The following NLRP4 variants were observed in gnomAD, a reference collection of about 807,000 sequenced individuals.
NLRP4 encodes NLR family pyrin domain containing 4.
Under a neutral mutation model 84.7 loss-of-function variants are expected in NLRP4, and 44 were observed. The ratio of observed to expected loss-of-function variants is 0.52; its 90% CI spans 0.41 to 0.67. The LOEUF is 0.67. NLRP4 is among the 30% of genes least tolerant of loss of function. NLRP4 has a pLI of 0.00. For synonymous variants in NLRP4, 544 were observed against 476.4 expected, an observed-to-expected ratio of 1.14 and a Z score of -1.85; for missense variants, 1,260 against 1,219.4, an observed-to-expected ratio of 1.03 and a Z score of -0.50.
chr19:55,848,072 G>T lies in NLRP4; in HGVS notation c.-65-3944G>T, dbSNP rs145410139. Among the ~76,000 whole-genome samples, 17 of 152,166 alleles carry T rather than the reference G, an allele frequency of 1.1e-4. No individual in the cohort carries two copies. The East Asian group carries it at 2.5e-3, about 22-fold the overall frequency. ...CTAGGATCCCCCACTGGGTTTCATT[G>T]CTGTGTCTCCATTGAGTTCTCTAAA... On this transcript the variant is annotated intron_variant, in intron 1 of 9. Coordinates refer to ENST00000301295, the MANE Select transcript of NLRP4 (RefSeq NM_134444.5).
chr19:55,878,728 T>C, intron 8 of NLRP4, 66 bp from the exon 9 acceptor site: 1 of 1,438,270 alleles, frequency 7.0e-7, no homozygotes, highest in Admixed American at 2.0e-5. Flanking sequence ...GACGTCTAGC[T>C]CACATCCCAT....
At chr19:55,839,737 T>A (rs1983535929) in intron 1 of NLRP4, among the ~76,000 whole-genome samples, 1 of 152,168 alleles carries the variant, frequency 6.6e-6, no homozygotes, top group South Asian at 2.1e-4. Context: ...TGACAGAGTC[T>A]TGTATTTTAA....
At chr19:55,866,414 A>G (rs1984957481) in intron 5 of NLRP4, among the ~76,000 whole-genome samples, 1 of 152,258 alleles carries the variant, frequency 6.6e-6, no homozygotes, top group South Asian at 2.1e-4. Context: ...GTGAGGAGCC[A>G]TGGACTCGGT....
intron 1 of NLRP4, among the ~76,000 whole-genome samples, chr19:55,851,260 G>T (rs1984122652): frequency 3.1e-5 from 1 of 32,086 alleles, no homozygotes; most frequent in Non-Finnish European, 4.8e-5. Context: ...CGAGGCTGCG[G>T]TGTAATTTAC....
At chr19:55,852,827 A>G (rs117582801) in intron 2 of NLRP4, among the ~76,000 whole-genome samples, 1 of 152,316 alleles carries the variant, frequency 6.6e-6, no homozygotes, top group Non-Finnish European at 1.5e-5. Context: ...CGTGGTGGTT[A>G]CATGTGGGTA....
chr19:55,859,963 ATC>A (rs1984675950), intron 3 of NLRP4, among the ~76,000 whole-genome samples: 2 of 144,512 alleles, frequency 1.4e-5, no homozygotes, highest in African/African-American at 5.1e-5. Flanking sequence ...CAAAACACAA[ATC>A]ATACAAATTT....
chr19:55,857,748 A>G lies in NLRP4; in HGVS notation c.355A>G (p.Ile119Val), dbSNP rs1600229449. The change falls in exon 3 of 10, where the codon ATT becomes GTT. Residue 119 changes from isoleucine to valine, a missense_variant. By Grantham distance (29) the Ile-to-Val change is conservative (BLOSUM62 3). This residue lies in a region of NLRP4 where 712 missense variants were observed against 669.2 expected (regional missense o/e 1.06). Coordinates refer to ENST00000301295, the MANE Select transcript of NLRP4 (RefSeq NM_134444.5). The stretch of plus-strand genomic sequence containing the variant: ...ATGGTCCAGCAAGTCTGTCACTGAG[A>G]TTCACCTATACTTTGAGGAGGAAGT... ...RLWSSKSVTE[I>V]HLYFEEEVKQ... 1 of 1,613,968 alleles carries G rather than the reference A, an allele frequency of 6.2e-7. No individual in the cohort carries two copies. The highest frequency in any genetic ancestry group is 2.2e-5 in the East Asian group (1 of 44,886).
At chr19:55,845,871 G>GTCGT (rs1983776040) in intron 1 of NLRP4, among the ~76,000 whole-genome samples, 1 of 119,242 alleles carries the variant, frequency 8.4e-6, no homozygotes. Context: ...TTTTGATGGG[G>GTCGT]TTGTTTTTTT....
Position 55,871,284 on chromosome 19 carries a change from G to A in NLRP4, c.2525+287G>A, listed in dbSNP as rs183505716. The stretch of plus-strand genomic sequence containing the variant: ...GGGACCTGAGGGGCAATTTCATGGC[G>A]AAGATGATATTTGGTGTGTGTTCTA... On this transcript the variant is annotated intron_variant, in intron 7 of 9. Coordinates refer to ENST00000301295, the MANE Select transcript of NLRP4 (RefSeq NM_134444.5). Among the ~76,000 whole-genome samples, 15 of 152,266 alleles carry A rather than the reference G, an allele frequency of 9.9e-5. 1 individual carries two copies. Among genetic ancestry groups the A allele is most frequent in the Admixed American group, 6.5e-4 (10 of 15,298 alleles).
chr19:55,881,618 C>A lies in NLRP4; in HGVS notation c.*31C>A. 9.6e-7 allele frequency: 1 copy of A among 1,046,950 alleles called. No homozygotes were observed. Among genetic ancestry groups the A allele is most frequent in the Non-Finnish European group, 1.5e-6 (1 of 670,366 alleles). The allele number at this position is 1,046,950 out of a possible 1,614,324, so 64.9% of individuals were successfully genotyped here. A position where few individuals can be genotyped will look rare whatever the true frequency, so the allele number is the denominator to read the frequency against. On this transcript the variant is annotated 3_prime_UTR_variant, in exon 10 of 10. Coordinates refer to ENST00000301295, the MANE Select transcript of NLRP4 (RefSeq NM_134444.5). ...AGGAACCTGGGCTCTGACTCGAACACCTGCAAAGGACAGGGACTGGGACCG... is the reference window on the plus strand; with the variant it reads ...AGGAACCTGGGCTCTGACTCGAACAACTGCAAAGGACAGGGACTGGGACCG...
chr19:55,878,359 G>A lies in NLRP4; in HGVS notation c.2697-435G>A, dbSNP rs187548821. Among the ~76,000 whole-genome samples the A allele has an allele frequency of 1.1e-3, 165 of 152,308 alleles. 1 individual carries two copies. Among genetic ancestry groups the A allele is most frequent in the Non-Finnish European group, 9.7e-4 (66 of 68,022 alleles). The stretch of plus-strand genomic sequence containing the variant: ...TGCTAGAACCCAGCAGGTCAAGGCT[G>A]CAGTGAGCCATGGTCATGCTGCTGC... On this transcript the variant is annotated intron_variant, in intron 8 of 9. Coordinates refer to ENST00000301295, the MANE Select transcript of NLRP4 (RefSeq NM_134444.5).
chr19:55,868,149 G>A (rs1406835737), intron 6 of NLRP4, among the ~76,000 whole-genome samples: 2 of 152,208 alleles, frequency 1.3e-5, no homozygotes, highest in African/African-American at 2.4e-5. Flanking sequence ...CACGTACTGT[G>A]TTTCAAAGCT....
intron 1 of NLRP4, among the ~76,000 whole-genome samples, chr19:55,850,169 CCG>C (rs1984016152): frequency 7.4e-6 from 1 of 134,654 alleles, no homozygotes; most frequent in African/African-American, 3.0e-5. Flanking sequence ...GGTGTAATTT[CCG>C]TGGCTGCGGT....
intron 1 of NLRP4, among the ~76,000 whole-genome samples, chr19:55,838,499 T>C (rs975933308): frequency 1.3e-5 from 2 of 152,030 alleles, no homozygotes; most frequent in Admixed American, 6.6e-5. Context: ...ACATCTAGGC[T>C]CCAGAACCAT....
chr19:55,877,141 A>G lies in NLRP4; in HGVS notation c.2671A>G (p.Thr891Ala). Residue 891 changes from threonine (T) to alanine (A), a missense_variant, in exon 8 of 10, where the codon ACG becomes GCG. Thr to Ala is a moderately conservative substitution (Grantham distance 58). Transcript: ENST00000301295. ...GCTGTTGTGTCGGGCTCTGACGCAT[A>G]CGGATTGCCGCTTAGAGATTCTTGG... ...VQLLCRALTH[T>A]DCRLEILGLE... 1.9e-6 allele frequency: 3 copies of G among 1,613,996 alleles called. No individual in the cohort carries two copies. Among genetic ancestry groups the G allele is most frequent in the Non-Finnish European group, 2.5e-6 (3 of 1,179,884 alleles).
chr19:55,859,186 G>C lies in NLRP4; in HGVS notation c.1793G>C (p.Ser598Thr). Reference sequence around the variant, plus strand: ...GCCTACTGCTTAAAATACTGCTCCAGCTTGAGGAAACTCTGTTTTTCCGTT... The same window carrying C: ...GCCTACTGCTTAAAATACTGCTCCACCTTGAGGAAACTCTGTTTTTCCGTT... ...VSAYCLKYCS[S>T]LRKLCFSVQN... The change falls in exon 3 of 10, where the codon AGC becomes ACC. Residue 598 changes from serine (S) to threonine (T), a missense_variant. Transcript: ENST00000301295. 1.9e-6 allele frequency: 3 copies of C among 1,610,744 alleles called. No individual in the cohort carries two copies. The highest frequency in any genetic ancestry group is 2.5e-6 in the Non-Finnish European group (3 of 1,177,098).
intron 7 of NLRP4, among the ~76,000 whole-genome samples, chr19:55,876,449 A>G (rs1354656582): frequency 6.6e-6 from 1 of 152,116 alleles, no homozygotes; most frequent in Non-Finnish European, 1.5e-5. Context: ...CCCGAGTTCA[A>G]GTGATTCTTG....
rs760366379 is a variant in NLRP4, at chr19:55,862,007, C to T, written c.2034C>T (p.Ser678=). ...GTTTTTGCAGAATAAATAACGTTTC[C>T]TTTTCTGGCCAGAGTGTTCTGCTCT... The part of the protein sequence containing the change: ...RLQKLGINNV[S]FSGQSVLLFE... Residue 678 remains serine (S), a synonymous_variant, in exon 5 of 10, where the codon TCC becomes TCT. Transcript: ENST00000301295. The T allele has an allele frequency of 8.1e-6, 13 of 1,613,602 alleles. No homozygotes were observed. In the South Asian group the frequency reaches 1.4e-4, roughly 18 times the overall value.
Position 55,859,233 on chromosome 19 carries a change from G to A in NLRP4, c.1840G>A (p.Asp614Asn). 1 of 1,602,926 alleles carries A rather than the reference G, an allele frequency of 6.2e-7. No homozygotes were observed. The highest frequency in any genetic ancestry group is 8.5e-7 in the Non-Finnish European group (1 of 1,170,874). ...CGTTCAAAATGTCTTTAAGAAAGAGGATGAACACAGCTCTACGTGAGTCCA... is the reference window on the plus strand; with the variant it reads ...CGTTCAAAATGTCTTTAAGAAAGAGAATGAACACAGCTCTACGTGAGTCCA... Reference protein sequence around the residue: ...FSVQNVFKKEDEHSSTSDYSL... With the variant: ...FSVQNVFKKENEHSSTSDYSL... The change falls in exon 3 of 10, where the codon GAT becomes AAT. Residue 614 changes from aspartate (D) to asparagine (N), a missense_variant. By Grantham distance (23) the Asp-to-Asn change is conservative. Transcript: ENST00000301295.
Sources: gnomAD v4.1 joint callset for allele counts (sites outside exome capture counted in the v4.1 genomes callset) on GRCh38, gnomAD v4.1.1 for gene constraint, gnomAD v4.1.1 regional missense constraint, MANE v1.5 for transcripts, NCBI Gene and HGNC (gene_info 2026-07-23, HGNC 2026-07-21) for gene names.